Variants in PAM observed in about 807,000 individuals in gnomAD.
PAM encodes peptidylglycine alpha-amidating monooxygenase, also known as peptidyl-glycine alpha-amidating monooxygenase.
In PAM, 72 loss-of-function variants were observed where a neutral mutation model predicts 122.1. The ratio of observed to expected loss-of-function variants is 0.59; its 90% CI spans 0.49 to 0.72. The LOEUF (loss-of-function observed/expected upper bound fraction) is 0.72. PAM is among the 30% of genes least tolerant of loss of function. The probability of loss-of-function intolerance (pLI) is 0.00; values close to 1 mark genes in which losing one functional copy is unlikely to be tolerated. For missense variants in PAM, 1,106 were observed against 1,183.7 expected, an observed-to-expected ratio of 0.93 and a Z score of 0.96; for synonymous variants, 389 against 404.4, an observed-to-expected ratio of 0.96 and a Z score of 0.46.
At chr5:102,848,155 T>G (rs1218044463) in intron 1 of PAM, among the ~76,000 whole-genome samples, 1 of 152,130 alleles carries the variant, frequency 6.6e-6, no homozygotes, top group Non-Finnish European at 1.5e-5. Flanking sequence ...CATGTCCTTC[T>G]CTTTCTTCCT....
intron 1 of PAM, among the ~76,000 whole-genome samples, chr5:102,774,866 A>C (rs1756749228): frequency 1.3e-5 from 2 of 152,014 alleles, no homozygotes; most frequent in African/African-American, 2.4e-5. Flanking sequence ...ATTAAAGATA[A>C]TTATTTCAGT....
In PAM at chr5:102,894,993, CAA is replaced by C. The variant is rs35700067; in HGVS notation, c.211-6352_211-6351del. On this transcript the variant is annotated intron_variant, in intron 3 of 25. Transcript: ENST00000438793. ...GGTTAATTTCCATGTCATTTTCCTA[CAA>C]AAAAAAAAAATGTCTGTGGCTTTCT... 7.7e-3 allele frequency among the ~76,000 whole-genome samples: 1,105 copies of C among 142,956 alleles called. 10 individuals carry two copies. The highest frequency in any genetic ancestry group is 0.014 in the East Asian group (72 of 4,966). 93.8% of individuals were successfully genotyped at this position (142,956 alleles called of 152,430 possible).
chr5:102,999,794 A>G (rs1482709234), intron 16 of PAM, among the ~76,000 whole-genome samples: 1 of 152,168 alleles, frequency 6.6e-6, no homozygotes, highest in African/African-American at 2.4e-5. Flanking sequence ...CTAGGACACA[A>G]GGCACCAAGT....
At position 102,878,192 on chromosome 5, in the gene PAM, CAAT is replaced by C. The variant is rs530796619; in HGVS notation, c.210+10801_210+10803del. Among the ~76,000 whole-genome samples the C allele has an allele frequency of 1.7e-4, 26 of 151,964 alleles. No individual in the cohort carries two copies. The South Asian group carries it at 4.6e-3, about 27-fold the overall frequency. On this transcript the variant is annotated intron_variant, in intron 3 of 25. Coordinates refer to ENST00000438793, the MANE Select transcript of PAM (RefSeq NM_001177306.2). ...ATATATAATATTTGAATATTTCAGTCAATAGAATAATTTTATATATACAGTCAT... is the reference window on the plus strand; with the variant it reads ...ATATATAATATTTGAATATTTCAGTCAGAATAATTTTATATATACAGTCAT...
intron 16 of PAM, among the ~76,000 whole-genome samples, chr5:102,994,608 C>A (rs978952288): frequency 2.0e-5 from 3 of 152,076 alleles, no homozygotes; most frequent in Admixed American, 1.3e-4. Flanking sequence ...AGTTACATCA[C>A]TGTGTTGCCT....
intron 1 of PAM, among the ~76,000 whole-genome samples, chr5:102,763,495 GCAA>G (rs577277120): frequency 2.0e-5 from 3 of 152,010 alleles, no homozygotes; most frequent in South Asian, 2.1e-4. Context: ...ACACACGACA[GCAA>G]CAACAACAAC....
At chr5:102,765,998 C>T (rs144660890) in intron 1 of PAM, among the ~76,000 whole-genome samples, 48 of 152,054 alleles carry the variant, frequency 3.2e-4, no homozygotes, top group Admixed American at 6.5e-4. Flanking sequence ...CAACCCATAT[C>T]GGCATGATAC....
At chr5:102,901,471 C>A in intron 4 of PAM, 58 bp downstream of exon 4, 2 of 927,248 alleles carry the variant, frequency 2.2e-6, no homozygotes, top group Non-Finnish European at 1.8e-6. Context: ...GATTTGAAAT[C>A]AGTGAAAGGT....
In PAM at chr5:102,871,105, TG is replaced by T. The variant is rs1581161902; in HGVS notation, c.210+3716del. On this transcript the variant is annotated intron_variant, in intron 3 of 25. Coordinates refer to ENST00000438793, the MANE Select transcript of PAM (RefSeq NM_001177306.2). ...AAATCCAGGGGTTAAACAGATGCAT[TG>T]GGGCTGGGCTGACAGCATCTGGCCT... Among the ~76,000 whole-genome samples the T allele has an allele frequency of 2.0e-5, 3 of 152,320 alleles. No individual in the cohort carries two copies. In the East Asian group the frequency reaches 5.8e-4, roughly 29 times the overall value.
At chr5:102,784,189 G>A (rs1033871090) in intron 1 of PAM, among the ~76,000 whole-genome samples, 7 of 150,894 alleles carry the variant, frequency 4.6e-5, no homozygotes, top group South Asian at 2.1e-4. Flanking sequence ...CACCGCGCCC[G>A]GCTGATCTAC....
intron 14 of PAM, among the ~76,000 whole-genome samples, chr5:102,968,443 A>G (rs568699612): frequency 6.6e-6 from 1 of 152,340 alleles, no homozygotes; most frequent in South Asian, 2.1e-4. Context: ...AATTTAATAG[A>G]GATTAAACGT....
chr5:102,896,142 GA>G (rs533417353), intron 3 of PAM, among the ~76,000 whole-genome samples: 39 of 151,794 alleles, frequency 2.6e-4, no homozygotes, highest in African/African-American at 9.2e-4. Flanking sequence ...ACTCATAAGT[GA>G]AAGTATGTGA....
intron 25 of PAM, 75 bp downstream of exon 25, chr5:103,028,313 A>T: frequency 9.6e-7 from 1 of 1,042,648 alleles, no homozygotes; most frequent in Non-Finnish European, 1.5e-6. Context: ...AAAAGCAAGG[A>T]GATATTTCAT....
At chr5:103,002,396 T>C (rs1232528480) in intron 16 of PAM, among the ~76,000 whole-genome samples, 2 of 152,166 alleles carry the variant, frequency 1.3e-5, no homozygotes, top group Non-Finnish European at 2.9e-5. Context: ...GCATAGTTGT[T>C]CATTTTGTAG....
At chr5:103,005,906 A>AATT (rs1169449186) in intron 18 of PAM, among the ~76,000 whole-genome samples, 40 of 140,922 alleles carry the variant, frequency 2.8e-4, no homozygotes. Context: ...TCTGTTCCTA[A>AATT]CTTGTTGTTG....
intron 6 of PAM, 80 bp downstream of exon 6, chr5:102,925,122 C>T: frequency 1.3e-6 from 1 of 797,916 alleles, no homozygotes; most frequent in African/African-American, 1.7e-5. Flanking sequence ...ATAGTCCTTT[C>T]TAACCAGTGT....
chr5:102,887,784 C>T (rs1386040999), intron 3 of PAM, among the ~76,000 whole-genome samples: 1 of 151,852 alleles, frequency 6.6e-6, no homozygotes, highest in African/African-American at 2.4e-5. Flanking sequence ...TACATTTCCT[C>T]TCAAGTCTGT....
chr5:102,776,475 C>T (rs963276743), intron 1 of PAM, among the ~76,000 whole-genome samples: 1 of 151,996 alleles, frequency 6.6e-6, no homozygotes, highest in African/African-American at 2.4e-5. Context: ...TTGGGTTTTA[C>T]ATTGAAGTCT....
chr5:103,025,241 G>A lies in PAM; in HGVS notation c.2596G>A (p.Val866Ile), dbSNP rs1471545731. ...LIKEPGSGVPVVLITTLLVIP... is the reference protein window; with the variant it reads ...LIKEPGSGVPIVLITTLLVIP... ...CAAAGAGCCAGGCTCGGGAGTGCCTGTTGTTCTCATTACAACCCTTCTGGT... is the reference window on the plus strand; with the variant it reads ...CAAAGAGCCAGGCTCGGGAGTGCCTATTGTTCTCATTACAACCCTTCTGGT... The change falls in exon 24 of 26, where the codon GTT (valine) becomes ATT (isoleucine). Residue 866 changes from valine to isoleucine, a missense_variant. Coordinates refer to ENST00000438793, the MANE Select transcript of PAM (RefSeq NM_001177306.2). 1.2e-6 allele frequency: 2 copies of A among 1,613,632 alleles called. No homozygotes were observed. The highest frequency in any genetic ancestry group is 8.5e-7 in the Non-Finnish European group (1 of 1,179,730).
Sources: gnomAD v4.1 joint callset for allele counts (sites outside exome capture counted in the v4.1 genomes callset) on GRCh38, gnomAD v4.1.1 for gene constraint, MANE v1.5 for transcripts, NCBI Gene and HGNC (gene_info 2026-07-23, HGNC 2026-07-21) for gene names.